The following ARHGEF28 variants were observed in gnomAD, a reference collection of about 807,000 sequenced individuals.
The protein encoded by ARHGEF28 is Rho guanine nucleotide exchange factor 28.
ARHGEF28 carries 152 observed loss-of-function variants against 206.6 expected under a neutral mutation model. The ratio of observed to expected loss-of-function variants is 0.74; its 90% confidence interval spans 0.64 to 0.84. The LOEUF is 0.84. Among genes scored for constraint, ARHGEF28 ranks in the 40% least tolerant of loss-of-function variants. The probability of loss-of-function intolerance (pLI) is 0.00; values close to 1 mark genes in which losing one functional copy is unlikely to be tolerated. For synonymous variants in ARHGEF28, 763 were observed against 776.4 expected (o/e 0.98, Z 0.29); for missense variants, 2,028 against 2,073.2 (o/e 0.98, Z 0.42).
chr5:73,748,116 G>C (rs1362498815), intron 2 of ARHGEF28, among the ~76,000 whole-genome samples: 3 of 152,112 alleles, frequency 2.0e-5, no homozygotes, highest in Non-Finnish European at 4.4e-5. Flanking sequence ...ACTAAAGCAA[G>C]CTGTTCTTCC....
chr5:73,830,349 C>G (rs1032809312), intron 9 of ARHGEF28, among the ~76,000 whole-genome samples: 5 of 151,924 alleles, frequency 3.3e-5, no homozygotes, highest in African/African-American at 1.2e-4. Context: ...GTCAGAAGGT[C>G]GAGACCATCC....
At chr5:73,685,382 G>A (rs1350018397) in intron 2 of ARHGEF28, among the ~76,000 whole-genome samples, 1 of 152,142 alleles carries the variant, frequency 6.6e-6, no homozygotes, top group Non-Finnish European at 1.5e-5. Flanking sequence ...CCAGGAGGAT[G>A]CCATTCTGAG....
Position 73,827,780 on chromosome 5 carries a change from TATA to T in ARHGEF28, c.1025-4555_1025-4553del, listed in dbSNP as rs543357773. On this transcript the variant is annotated intron_variant, in intron 9 of 35. Coordinates refer to ENST00000513042, the MANE Select transcript of ARHGEF28 (RefSeq NM_001177693.2). Reference sequence around the variant, plus strand: ...AAATATTAAAAATTATCAACAAAACTATAATGTTAATTTTTAGCTAAGAAAAAC... The same window carrying T: ...AAATATTAAAAATTATCAACAAAACTATGTTAATTTTTAGCTAAGAAAAAC... Among the ~76,000 whole-genome samples, 281 of 152,362 alleles carry T rather than the reference TATA, an allele frequency of 1.8e-3. 3 individuals are homozygous for T. The highest frequency in any genetic ancestry group is 6.3e-3 in the African/African-American group (263 of 41,594).
intron 10 of ARHGEF28, among the ~76,000 whole-genome samples, chr5:73,839,755 C>G (rs1435692719): frequency 6.6e-6 from 1 of 152,174 alleles, no homozygotes; most frequent in Non-Finnish European, 1.5e-5. Context: ...TTATTATTTA[C>G]AGGTAATTTG....
chr5:73,813,375 A>T, intron 9 of ARHGEF28: 1 of 950,090 alleles, frequency 1.1e-6, no homozygotes, highest in Non-Finnish European at 1.4e-6. Context: ...GTTTGGCTTT[A>T]ATATTTACAG....
chr5:73,914,771 G>C (rs1355726897), intron 35 of ARHGEF28, among the ~76,000 whole-genome samples: 1 of 152,052 alleles, frequency 6.6e-6, no homozygotes, highest in East Asian at 1.9e-4. Context: ...TGTCGCCCAG[G>C]TTGGAGTTCA....
intron 4 of ARHGEF28, among the ~76,000 whole-genome samples, chr5:73,773,255 G>A (rs1753329864): frequency 1.3e-5 from 2 of 152,194 alleles, no homozygotes; most frequent in African/African-American, 2.4e-5. Context: ...CTTACAGGTC[G>A]AGCCTCCTGA....
rs1762065312 is a variant in ARHGEF28 at position 73,898,105 on chromosome 5, T to C, written c.3973+12T>C. On this transcript the variant is annotated intron_variant, in intron 30 of 35. Transcript: ENST00000513042. ...ATCACCGACTGCCTGTAAGTGAAAA[T>C]GCAGGCCTTGGCAATGAGCCTGAGC... 6 of 1,609,058 alleles carry C rather than the reference T, an allele frequency of 3.7e-6. No homozygotes were observed. The highest frequency in any genetic ancestry group is 2.2e-5 in the South Asian group (2 of 89,836).
chr5:73,762,281 C>T (rs1752642450), intron 4 of ARHGEF28, among the ~76,000 whole-genome samples: 1 of 151,634 alleles, frequency 6.6e-6, no homozygotes. Flanking sequence ...TATGGTGAAA[C>T]CGTGTCTTTA....
chr5:73,632,083 G>T (rs540606805), intron 1 of ARHGEF28, among the ~76,000 whole-genome samples: 1 of 152,208 alleles, frequency 6.6e-6, no homozygotes, highest in East Asian at 1.9e-4. Flanking sequence ...TACACGTGTT[G>T]GTCAGTTATT....
chr5:73,932,977 T>G (rs1339831228), intron 35 of ARHGEF28, among the ~76,000 whole-genome samples: 1 of 151,528 alleles, frequency 6.6e-6, no homozygotes, highest in Non-Finnish European at 1.5e-5. Flanking sequence ...CCCGGCTAAT[T>G]TTTTTTGTAT....
In ARHGEF28 at chr5:73,911,282, A is replaced by T; in HGVS notation, c.4655A>T (p.Glu1552Val). Reference protein sequence around the residue: ...VLLPGGPEVMELNRSESLCHE... With the variant: ...VLLPGGPEVMVLNRSESLCHE... ...CTCTGTTTCTTTACACAGGTAATGG[A>T]ACTTAATCGATCTGAGAGTTTATGT... is the stretch of plus-strand genomic sequence containing the variant. Residue 1552 changes from glutamate to valine, a missense_variant, in exon 35 of 36, where the codon GAA (glutamate) becomes GTA (valine). Physicochemically the swap from Glu to Val is moderately radical, Grantham distance 121 (BLOSUM62 -2). Transcript: ENST00000513042. 5.0e-6 allele frequency: 8 copies of T among 1,586,898 alleles called. No homozygotes were observed. The highest frequency in any genetic ancestry group is 6.0e-6 in the Non-Finnish European group (7 of 1,164,432).
chr5:73,890,427 A>G (rs988590030), intron 26 of ARHGEF28, among the ~76,000 whole-genome samples: 3 of 152,236 alleles, frequency 2.0e-5, no homozygotes, highest in African/African-American at 7.2e-5. Flanking sequence ...ATAAGGGAGT[A>G]GGTCCATAAT....
chr5:73,805,093 C>T (rs996476768), intron 9 of ARHGEF28, among the ~76,000 whole-genome samples: 2 of 152,168 alleles, frequency 1.3e-5, no homozygotes, highest in Non-Finnish European at 2.9e-5. Flanking sequence ...GGGTAATAAT[C>T]AAATACTACT....
chr5:73,720,714 A>C (rs55719586), intron 2 of ARHGEF28, among the ~76,000 whole-genome samples: 1 of 152,106 alleles, frequency 6.6e-6, no homozygotes, highest in Non-Finnish European at 1.5e-5. Context: ...CTGTGCATCC[A>C]GGTCTTCTAG....
chr5:73,681,393 AT>A (rs1236076983), intron 1 of ARHGEF28, among the ~76,000 whole-genome samples: 1 of 152,096 alleles, frequency 6.6e-6, no homozygotes, highest in East Asian at 1.9e-4. Flanking sequence ...CATTATTTTT[AT>A]TTTATGGGTG....
At chr5:73,643,134 G>A (rs1193486888) in intron 1 of ARHGEF28, among the ~76,000 whole-genome samples, 3 of 152,184 alleles carry the variant, frequency 2.0e-5, no homozygotes, top group Non-Finnish European at 4.4e-5. Flanking sequence ...CATTTAAATG[G>A]TAGGTTTGAA....
At chr5:73,651,245 C>T (rs1377648914) in intron 1 of ARHGEF28, among the ~76,000 whole-genome samples, 2 of 152,146 alleles carry the variant, frequency 1.3e-5, no homozygotes, top group Non-Finnish European at 2.9e-5. Context: ...GCTTACTTAC[C>T]AGCTCGACTG....
At chr5:73,691,850 T>A (rs1275520233) in intron 2 of ARHGEF28, among the ~76,000 whole-genome samples, 1 of 152,244 alleles carries the variant, frequency 6.6e-6, no homozygotes, top group Non-Finnish European at 1.5e-5. Context: ...TTGGCAATCA[T>A]GAACAATTAT....
Sources: gnomAD v4.1 joint callset for allele counts (sites outside exome capture counted in the v4.1 genomes callset) on GRCh38, gnomAD v4.1.1 for gene constraint, MANE v1.5 for transcripts, NCBI Gene and HGNC (gene_info 2026-07-23, HGNC 2026-07-21) for gene names.